SULF2: variants seen among roughly 807,000 people sequenced by gnomAD.
SULF2 encodes the protein sulfatase 2.
SULF2 carries 52 observed loss-of-function variants against 107.7 expected under a neutral mutation model. The ratio of observed to expected loss-of-function variants is 0.48; its 90% confidence interval spans 0.39 to 0.61. SULF2 has a LOEUF of 0.61. Ranked by LOEUF, SULF2 falls within the 20% of genes least tolerant of loss-of-function variation. The pLI is 0.00. For missense variants in SULF2, 993 were observed against 1,177.3 expected (o/e 0.84, Z 2.29); for synonymous variants, 460 against 464.3 (o/e 0.99, Z 0.12).
chr20:47,663,467 G>A lies in SULF2; in HGVS notation c.2213C>T (p.Ala738Val), dbSNP rs768084550. 2.4e-5 allele frequency: 38 copies of A among 1,609,166 alleles called. No homozygotes were observed. Among genetic ancestry groups the A allele is most frequent in the East Asian group, 2.2e-4 (10 of 44,884 alleles). ...FTHDNQHWQTAPFWTLGPFCA... is the reference protein window; with the variant it reads ...FTHDNQHWQTVPFWTLGPFCA... ...GGCTTGCTCACGTGTCCAGAAAGGC[G>A]CCGTCTGCCAGTGCTGGTTGTCGTG... is the stretch of plus-strand genomic sequence containing the variant. Residue 738 changes from alanine (A) to valine (V), a missense_variant, in exon 16 of 21, where the codon GCG becomes GTG. Ala to Val is a moderately conservative substitution (Grantham distance 64). This residue lies in a region of SULF2 where 497 missense variants were observed against 544.1 expected (regional missense o/e 0.91). Transcript: ENST00000688720.
At chr20:47,682,321 C>A (rs1351923730) in intron 7 of SULF2, among the ~76,000 whole-genome samples, 1 of 152,236 alleles carries the variant, frequency 6.6e-6, no homozygotes, top group Non-Finnish European at 1.5e-5. Flanking sequence ...AGAAGGCAGA[C>A]CAAATGACAG....
intron 7 of SULF2, among the ~76,000 whole-genome samples, chr20:47,682,677 C>A (rs2087864972): frequency 6.6e-6 from 1 of 152,152 alleles, no homozygotes; most frequent in Non-Finnish European, 1.5e-5. Flanking sequence ...GACTGCCCAG[C>A]CCAGAACAGA....
intron 1 of SULF2, among the ~76,000 whole-genome samples, chr20:47,769,126 C>T (rs1300649783): frequency 1.3e-5 from 2 of 152,026 alleles, no homozygotes; most frequent in Non-Finnish European, 2.9e-5. Flanking sequence ...TGCATACCTC[C>T]ACCTCCTGGG....
chr20:47,659,566 A>C, intron 19 of SULF2, 114 bp from the exon 20 acceptor site: 1 of 1,383,742 alleles, frequency 7.2e-7, no homozygotes, highest in South Asian at 1.2e-5. Flanking sequence ...TTGGTGGGTG[A>C]TCCTGGTCTC....
intron 15 of SULF2, 42 bp downstream of exon 15, chr20:47,664,088 A>C: frequency 6.2e-7 from 1 of 1,600,372 alleles, no homozygotes. Flanking sequence ...CTCCTCATGC[A>C]GGCCTCTGCA....
chr20:47,691,459 G>T lies in SULF2; in HGVS notation c.568-1164C>A, dbSNP rs151052446. 4.3e-3 allele frequency among the ~76,000 whole-genome samples: 652 copies of T among 152,244 alleles called. 4 individuals are homozygous for T. The highest frequency in any genetic ancestry group is 0.015 in the African/African-American group (605 of 41,556). ...CCCCTGGAGAGCTTACTGATACCTG[G>T]GCCCACCCCCAGAGATTCTGGTTGG... On this transcript the variant is annotated intron_variant, in intron 4 of 20. Coordinates refer to ENST00000688720, the MANE Select transcript of SULF2 (RefSeq NM_001387048.1).
intron 3 of SULF2, among the ~76,000 whole-genome samples, chr20:47,722,053 T>C (rs1451121984): frequency 6.6e-6 from 1 of 152,170 alleles, no homozygotes; most frequent in Non-Finnish European, 1.5e-5. Flanking sequence ...AGAGGGAACC[T>C]TCCTAATAAA....
At chr20:47,690,377 A>C (rs569691788) in intron 4 of SULF2, 82 bp from the exon 5 acceptor site, 1 of 1,139,872 alleles carries the variant, frequency 8.8e-7, no homozygotes, top group South Asian at 2.8e-5. Flanking sequence ...GCACCCTGCT[A>C]GGCACTGGGG....
intron 1 of SULF2, among the ~76,000 whole-genome samples, chr20:47,770,599 T>G (rs1389196507): frequency 6.6e-6 from 1 of 152,206 alleles, no homozygotes; most frequent in Non-Finnish European, 1.5e-5. Context: ...AACTTAGTGG[T>G]GAATTAAAAT....
At chr20:47,773,477 C>T (rs1026430508) in intron 1 of SULF2, among the ~76,000 whole-genome samples, 1 of 152,258 alleles carries the variant, frequency 6.6e-6, no homozygotes, top group African/African-American at 2.4e-5. Context: ...ATGAAACCAA[C>T]ATGGTGCAGC....
intron 1 of SULF2, among the ~76,000 whole-genome samples, chr20:47,778,636 G>A (rs2090767274): frequency 6.6e-6 from 1 of 152,206 alleles, no homozygotes; most frequent in African/African-American, 2.4e-5. Flanking sequence ...GATCCCACAT[G>A]ACCTTAAGCA....
intron 4 of SULF2, among the ~76,000 whole-genome samples, chr20:47,696,144 G>A (rs1455148850): frequency 1.3e-5 from 2 of 152,160 alleles, no homozygotes; most frequent in Non-Finnish European, 2.9e-5. Flanking sequence ...TATGTGGCCC[G>A]GTTACATTAC....
At chr20:47,764,623 C>T (rs1330737726) in intron 1 of SULF2, among the ~76,000 whole-genome samples, 1 of 152,124 alleles carries the variant, frequency 6.6e-6, no homozygotes, top group Admixed American at 6.6e-5. Context: ...TGCCAGGAGG[C>T]ATGAATATGG....
intron 10 of SULF2, among the ~76,000 whole-genome samples, chr20:47,674,923 G>A (rs567539760): frequency 9.2e-5 from 14 of 152,292 alleles, no homozygotes; most frequent in African/African-American, 3.4e-4. Context: ...CCAAAGCTCC[G>A]GGGCTGGGTC....
intron 3 of SULF2, among the ~76,000 whole-genome samples, chr20:47,707,941 A>G (rs2088803067): frequency 3.3e-5 from 5 of 152,170 alleles, no homozygotes; most frequent in Admixed American, 3.3e-4. Context: ...TAAAATGTTA[A>G]CAGAATCAGT....
chr20:47,705,314 A>G (rs1237792317), intron 3 of SULF2, among the ~76,000 whole-genome samples: 1 of 152,116 alleles, frequency 6.6e-6, no homozygotes, highest in Non-Finnish European at 1.5e-5. Flanking sequence ...AACGGGAAGA[A>G]CCTGGCGTTC....
intron 1 of SULF2, among the ~76,000 whole-genome samples, chr20:47,768,882 GT>G (rs11473246): frequency 0.21 from 26,741 of 127,098 alleles, 2,263 homozygotes; most frequent in South Asian, 0.25. Context: ...TTGTGTGCGT[GT>G]TTTTTTTTTT....
chr20:47,659,125 T>G (rs937600755), intron 20 of SULF2, among the ~76,000 whole-genome samples: 1 of 152,222 alleles, frequency 6.6e-6, no homozygotes, highest in Non-Finnish European at 1.5e-5. Flanking sequence ...ATTTGTAATA[T>G]TTAAATGCTT....
intron 2 of SULF2, among the ~76,000 whole-genome samples, chr20:47,756,975 G>A (rs922380915): frequency 6.6e-6 from 1 of 152,222 alleles, no homozygotes; most frequent in African/African-American, 2.4e-5. Context: ...GAGAAATCCA[G>A]GAACGGTTGT....
Sources: allele counts gnomAD v4.1 joint callset (sites outside exome capture counted in the v4.1 genomes callset), GRCh38; gene constraint gnomAD v4.1.1; regional missense constraint gnomAD v4.1.1; transcripts MANE v1.5; gene names NCBI Gene and HGNC (gene_info 2026-07-23, HGNC 2026-07-21).